Variants in RAPGEF6 observed in about 807,000 individuals in gnomAD.
The protein encoded by RAPGEF6 is PDZ domain containing guanine nucleotide exchange factor (GEF) 2.
Under a neutral mutation model 171.4 loss-of-function variants are expected in RAPGEF6, and 56 were observed. The observed-to-expected ratio is 0.33, with a 90% CI of 0.26 to 0.41. The LOEUF (loss-of-function observed/expected upper bound fraction) is 0.41, where lower values mean the gene tolerates loss of function less well. RAPGEF6 is among the 10% of genes least tolerant of loss of function. The pLI is 1.00. For missense variants in RAPGEF6, 1,674 were observed against 1,921.4 expected (o/e 0.87, Z 2.41); for synonymous variants, 692 against 650.1 (o/e 1.06, Z -0.98).
chr5:131,622,387 C>T (rs1485125091), intron 1 of RAPGEF6, among the ~76,000 whole-genome samples: 1 of 152,230 alleles, frequency 6.6e-6, no homozygotes, highest in Non-Finnish European at 1.5e-5. Flanking sequence ...AAGGGACAGA[C>T]TGACTGTGAA....
At chr5:131,613,081 C>A (rs2150025668) in intron 1 of RAPGEF6, among the ~76,000 whole-genome samples, 1 of 152,298 alleles carries the variant, frequency 6.6e-6, no homozygotes, top group Non-Finnish European at 1.5e-5. Context: ...TCCTTCACAA[C>A]ATCTGTAATG....
In RAPGEF6 at chr5:131,453,913, C is replaced by T. The variant is rs114619892; in HGVS notation, c.3077-736G>A. ...AACATATCTGAAGCCTGTAACATTT[C>T]CTTATGAAAACTGAGTGATAATGAA... On this transcript the variant is annotated intron_variant, in intron 20 of 27. Transcript: ENST00000509018. Among the ~76,000 whole-genome samples the T allele has an allele frequency of 6.6e-3, 1,007 of 152,284 alleles. 5 individuals carry two copies. Among genetic ancestry groups the T allele is most frequent in the Non-Finnish European group, 0.011 (737 of 68,028 alleles).
intron 21 of RAPGEF6, among the ~76,000 whole-genome samples, chr5:131,447,817 G>T (rs1752818504): frequency 6.6e-6 from 1 of 151,998 alleles, no homozygotes; most frequent in Non-Finnish European, 1.5e-5. Context: ...CACATTTTAA[G>T]ATCTTTCCAA....
chr5:131,628,352 T>A (rs970131544), intron 1 of RAPGEF6, among the ~76,000 whole-genome samples: 3 of 151,762 alleles, frequency 2.0e-5, no homozygotes, highest in African/African-American at 7.3e-5. Flanking sequence ...AGATAAACCA[T>A]CAAACCAGCC....
intron 1 of RAPGEF6, among the ~76,000 whole-genome samples, chr5:131,626,401 C>G (rs1457771702): frequency 6.6e-6 from 1 of 152,108 alleles, no homozygotes; most frequent in Non-Finnish European, 1.5e-5. Context: ...GATATCACTT[C>G]CAACGGGAAT....
At chr5:131,518,465 T>C (rs1758249360) in intron 7 of RAPGEF6, among the ~76,000 whole-genome samples, 1 of 151,842 alleles carries the variant, frequency 6.6e-6, no homozygotes, top group Non-Finnish European at 1.5e-5. Context: ...TGGCGTGATC[T>C]TGGGTCACCG....
intron 13 of RAPGEF6, among the ~76,000 whole-genome samples, chr5:131,495,060 C>A (rs185125477): frequency 1.3e-5 from 2 of 152,032 alleles, no homozygotes; most frequent in Non-Finnish European, 2.9e-5. Context: ...TCTGGAAGGC[C>A]GAGGCGGGCG....
chr5:131,617,442 A>G (rs894822507), intron 1 of RAPGEF6, among the ~76,000 whole-genome samples: 5 of 152,258 alleles, frequency 3.3e-5, no homozygotes, highest in Admixed American at 6.5e-5. Flanking sequence ...AAGATAAAAT[A>G]TCTCTGAACA....
chr5:131,463,347 G>A (rs541284713), intron 18 of RAPGEF6, among the ~76,000 whole-genome samples: 1 of 152,280 alleles, frequency 6.6e-6, no homozygotes, highest in Admixed American at 6.5e-5. Context: ...GGGAGGCTGA[G>A]GCAGGCAGAT....
At chr5:131,614,281 CAAAAAAAAAAAAAA>C (rs386404987) in intron 1 of RAPGEF6, among the ~76,000 whole-genome samples, 15 of 81,416 alleles carry the variant, frequency 1.8e-4, no homozygotes, top group Non-Finnish European at 3.0e-4. Context: ...GACTCTGTCT[CAAAAAAAAAAAAAA>C]AAAAAAAGAA....
intron 6 of RAPGEF6, among the ~76,000 whole-genome samples, chr5:131,529,632 T>C (rs985967453): frequency 6.9e-6 from 1 of 144,536 alleles, no homozygotes; most frequent in Non-Finnish European, 1.5e-5. Context: ...AAACAAAGGC[T>C]GGACACAGTG....
chr5:131,581,908 A>G (rs1344700649), intron 4 of RAPGEF6, among the ~76,000 whole-genome samples: 2 of 152,128 alleles, frequency 1.3e-5, no homozygotes, highest in Non-Finnish European at 2.9e-5. Flanking sequence ...TTGTGAAAGT[A>G]TGTTACTTTG....
At chr5:131,586,544 T>C (rs898083553) in intron 4 of RAPGEF6, among the ~76,000 whole-genome samples, 5 of 152,020 alleles carry the variant, frequency 3.3e-5, no homozygotes, top group South Asian at 2.1e-4. Context: ...GGCAGGAGAA[T>C]TGCTTGAACC....
At position 131,504,671 on chromosome 5, in the gene RAPGEF6, C is replaced by T; in HGVS notation, c.1209G>A (p.Arg403=). 6.2e-7 allele frequency: 1 copy of T among 1,613,522 alleles called. No individual in the cohort carries two copies. Among genetic ancestry groups the T allele is most frequent in the Non-Finnish European group, 8.5e-7 (1 of 1,179,852 alleles). Residue 403 remains arginine (R), a synonymous_variant, in exon 11 of 28, where the codon CGG becomes CGA. Coordinates refer to ENST00000509018, the MANE Select transcript of RAPGEF6 (RefSeq NM_016340.6). ...EGEIVMVHEH[R]ELDRSGTRKG... ...TCCTGGTTCCACTCCGGTCTAGTTCCCGATGCTCATGTACCATAACAATTT... is the reference window on the plus strand; with the variant it reads ...TCCTGGTTCCACTCCGGTCTAGTTCTCGATGCTCATGTACCATAACAATTT...
At position 131,439,564 on chromosome 5, in the gene RAPGEF6, G is replaced by A; in HGVS notation, c.3745+17C>T. On this transcript the variant is annotated intron_variant, in intron 24 of 27. Transcript: ENST00000509018. ...TGTTTAGTTTAACAAGAACTAGTTT[G>A]AAATGTTTTGTCTTACCTTTGTGAG... 1 of 1,597,066 alleles carries A rather than the reference G, an allele frequency of 6.3e-7. No homozygotes were observed. Among genetic ancestry groups the A allele is most frequent in the East Asian group, 2.2e-5 (1 of 44,456 alleles).
intron 3 of RAPGEF6, among the ~76,000 whole-genome samples, chr5:131,594,801 C>A (rs1223075999): frequency 6.6e-6 from 1 of 152,220 alleles, no homozygotes; most frequent in East Asian, 1.9e-4. Flanking sequence ...GACTGCCCTG[C>A]TGGGTTTCGG....
intron 26 of RAPGEF6, among the ~76,000 whole-genome samples, chr5:131,430,450 G>A (rs1165462529): frequency 1.3e-5 from 2 of 152,000 alleles, no homozygotes; most frequent in Non-Finnish European, 2.9e-5. Flanking sequence ...TCACTGTTAC[G>A]ACCTAAAATC....
At chr5:131,521,873 ACACACACACACACACACACTCT>A (rs1241225580) in intron 6 of RAPGEF6, among the ~76,000 whole-genome samples, 81 of 123,868 alleles carry the variant, frequency 6.5e-4, no homozygotes, top group Non-Finnish European at 1.1e-3. Flanking sequence ...ACACACACAC[ACACACACACACACACACACTCT>A]CTCTCTCTCT....
intron 4 of RAPGEF6, among the ~76,000 whole-genome samples, chr5:131,582,238 T>C (rs930368306): frequency 1.3e-5 from 2 of 152,230 alleles, no homozygotes; most frequent in East Asian, 1.9e-4. Flanking sequence ...TAATGTGGTA[T>C]GGTATCAAGA....
Sources: allele counts gnomAD v4.1 joint callset (sites outside exome capture counted in the v4.1 genomes callset), GRCh38; gene constraint gnomAD v4.1.1; transcripts MANE v1.5; gene names NCBI Gene and HGNC (gene_info 2026-07-23, HGNC 2026-07-21).